UXS1: variants seen among roughly 807,000 people sequenced by gnomAD.
UXS1 encodes the protein UDP-glucuronate decarboxylase 1, also known as UDP-glucuronic acid decarboxylase 1.
UXS1 carries 33 observed loss-of-function variants against 62.6 expected under a neutral mutation model. The ratio of observed to expected loss-of-function variants is 0.53; its 90% CI spans 0.40 to 0.70. The LOEUF (loss-of-function observed/expected upper bound fraction) is 0.70, where lower values mean the gene tolerates loss of function less well. Ranked by LOEUF, UXS1 falls within the 30% of genes least tolerant of loss-of-function variation. The pLI, the probability that UXS1 is intolerant of heterozygous loss-of-function variation, is 0.00. For synonymous variants in UXS1, 213 were observed against 206.8 expected (o/e 1.03, Z -0.26); for missense variants, 434 against 556.3 (o/e 0.78, Z 2.21).
At chr2:106,143,960 C>T (rs1463409697) in intron 6 of UXS1, among the ~76,000 whole-genome samples, 1 of 152,202 alleles carries the variant, frequency 6.6e-6, no homozygotes, top group East Asian at 1.9e-4. Context: ...GGGGGCACAC[C>T]CAGATAATCC....
intron 10 of UXS1, among the ~76,000 whole-genome samples, chr2:106,109,145 C>T (rs560737943): frequency 1.3e-5 from 2 of 152,108 alleles, no homozygotes; most frequent in African/African-American, 4.8e-5. Context: ...TTCTGCTTGC[C>T]TGTGCTGTAT....
At chr2:106,187,424 C>G (rs1684629257) in intron 1 of UXS1, among the ~76,000 whole-genome samples, 1 of 152,146 alleles carries the variant, frequency 6.6e-6, no homozygotes, top group Non-Finnish European at 1.5e-5. Context: ...TCCTCCAAGG[C>G]AGAGGCTAAC....
intron 1 of UXS1, among the ~76,000 whole-genome samples, chr2:106,185,605 T>A (rs572484862): frequency 1.3e-5 from 2 of 152,334 alleles, no homozygotes; most frequent in South Asian, 4.1e-4. Context: ...AAGATCACCA[T>A]GAGTTTAACG....
intron 5 of UXS1, among the ~76,000 whole-genome samples, chr2:106,149,244 A>G (rs1681823851): frequency 6.6e-6 from 1 of 152,192 alleles, no homozygotes; most frequent in South Asian, 2.1e-4. Context: ...AATAAATTCT[A>G]TAATACTCAG....
At chr2:106,149,507 C>T (rs1392596286) in intron 5 of UXS1, among the ~76,000 whole-genome samples, 1 of 152,076 alleles carries the variant, frequency 6.6e-6, no homozygotes, top group African/African-American at 2.4e-5. Flanking sequence ...GAGTTCAGTC[C>T]CTTTGGTCTC....
intron 1 of UXS1, among the ~76,000 whole-genome samples, chr2:106,174,395 T>C (rs1470532369): frequency 1.3e-5 from 2 of 152,106 alleles, no homozygotes; most frequent in African/African-American, 4.8e-5. Context: ...AGAGAGTAAA[T>C]AATGCAGAGG....
At chr2:106,142,052 G>A (rs1350789690) in intron 6 of UXS1, among the ~76,000 whole-genome samples, 1 of 150,106 alleles carries the variant, frequency 6.7e-6, no homozygotes, top group African/African-American at 2.5e-5. Context: ...TTGTATTTTT[G>A]GTAGAGACTG....
At chr2:106,183,157 C>A (rs1432470708) in intron 1 of UXS1, among the ~76,000 whole-genome samples, 2 of 150,562 alleles carry the variant, frequency 1.3e-5, no homozygotes, top group Non-Finnish European at 2.9e-5. Flanking sequence ...TAACTTGGTT[C>A]TTTCCCTTGG....
chr2:106,170,635 T>G (rs767207626), intron 1 of UXS1, among the ~76,000 whole-genome samples: 1 of 152,214 alleles, frequency 6.6e-6, no homozygotes, highest in Non-Finnish European at 1.5e-5. Context: ...GCTTGAGAGA[T>G]AATTCAATAC....
intron 6 of UXS1, among the ~76,000 whole-genome samples, chr2:106,130,702 G>A (rs1034776566): frequency 6.6e-6 from 1 of 152,184 alleles, no homozygotes; most frequent in Non-Finnish European, 1.5e-5. Context: ...CCCAGTGCCG[G>A]GAATGGAAGA....
intron 2 of UXS1, among the ~76,000 whole-genome samples, chr2:106,165,822 G>GA (rs1335243364): frequency 1.3e-5 from 2 of 151,654 alleles, no homozygotes; most frequent in Admixed American, 6.6e-5. Flanking sequence ...GGGAAGCGGG[G>GA]GTGGCCGACC....
intron 1 of UXS1, among the ~76,000 whole-genome samples, chr2:106,186,679 G>A (rs1363452725): frequency 1.3e-5 from 2 of 152,138 alleles, no homozygotes; most frequent in African/African-American, 4.8e-5. Flanking sequence ...TTAGCTGGCT[G>A]TGGTGGCACA....
rs767881403 is a variant in UXS1 at position 106,093,977 on chromosome 2, C to T, written c.*49G>A. On this transcript the variant is annotated 3_prime_UTR_variant, in exon 15 of 15. Coordinates refer to ENST00000283148, the MANE Select transcript of UXS1 (RefSeq NM_001253875.2). Reference sequence around the variant, plus strand: ...CGACAACAAAAAAAAGCCAAAAATACATCCCATCAAGTGTACAATGGTAGT... The same window carrying T: ...CGACAACAAAAAAAAGCCAAAAATATATCCCATCAAGTGTACAATGGTAGT... The T allele has an allele frequency of 3.3e-6, 5 of 1,494,470 alleles. No homozygotes were observed. Among genetic ancestry groups the T allele is most frequent in the Admixed American group, 5.3e-5 (2 of 37,724 alleles). 92.6% of individuals were successfully genotyped at this position (1,494,470 alleles called of 1,614,324 possible).
chr2:106,137,595 C>A (rs1195127260), intron 6 of UXS1, among the ~76,000 whole-genome samples: 2 of 151,826 alleles, frequency 1.3e-5, no homozygotes, highest in East Asian at 3.9e-4. Flanking sequence ...TCGAATCCAG[C>A]CTGGCCAACA....
At chr2:106,166,717 T>TTC (rs35565953) in intron 1 of UXS1, among the ~76,000 whole-genome samples, 87 of 151,078 alleles carry the variant, frequency 5.8e-4, no homozygotes, top group Non-Finnish European at 8.6e-4. Context: ...TTTTTTTTTT[T>TTC]CCAAGTGACA....
intron 9 of UXS1, among the ~76,000 whole-genome samples, chr2:106,117,919 G>A (rs1281598464): frequency 2.6e-5 from 4 of 152,262 alleles, no homozygotes; most frequent in Non-Finnish European, 5.9e-5. Flanking sequence ...TTGACTCGAG[G>A]GGTTGGCTGA....
chr2:106,103,106 C>G (rs1352381466), intron 11 of UXS1, among the ~76,000 whole-genome samples: 1 of 152,244 alleles, frequency 6.6e-6, no homozygotes, highest in East Asian at 1.9e-4. Context: ...AGGCACAGGA[C>G]AGTGACCAGG....
chr2:106,161,334 G>A (rs2105051686), intron 4 of UXS1, among the ~76,000 whole-genome samples: 1 of 152,216 alleles, frequency 6.6e-6, no homozygotes, highest in Middle Eastern at 3.4e-3. Context: ...TCGAACTCCT[G>A]GGCTCAAGCC....
chr2:106,128,316 T>C (rs1680134154), intron 7 of UXS1, among the ~76,000 whole-genome samples: 1 of 152,164 alleles, frequency 6.6e-6, no homozygotes, highest in Admixed American at 6.5e-5. Context: ...ATAGGAAGAA[T>C]GAATCATCTT....
Sources: allele counts gnomAD v4.1 joint callset (sites outside exome capture counted in the v4.1 genomes callset), GRCh38; gene constraint gnomAD v4.1.1; transcripts MANE v1.5; gene names NCBI Gene and HGNC (gene_info 2026-07-23, HGNC 2026-07-21).